The following ZNF362 variants were observed in gnomAD, a reference collection of about 807,000 sequenced individuals.
ZNF362 encodes the protein zinc finger protein 362, also known as rotund homolog.
ZNF362 carries 11 observed loss-of-function variants against 42.9 expected under a neutral mutation model. That is an observed-to-expected ratio of 0.26 (90% CI 0.16 to 0.42). The LOEUF is 0.42. Among genes scored for constraint, ZNF362 ranks in the 20% least tolerant of loss-of-function variants. The pLI is 1.00. For synonymous variants in ZNF362, 255 were observed against 257.3 expected (o/e 0.99, Z 0.09); for missense variants, 362 against 576.2 (o/e 0.63, Z 3.81).
chr1:33,130,157 C>T, the ZNF362 span, among the ~76,000 whole-genome samples: 1 of 152,212 alleles, frequency 6.6e-6, no homozygotes, highest in African/African-American at 2.4e-5. Flanking sequence ...CTGCACCTGG[C>T]CGTAGCTTTG....
chr1:33,232,516 C>T, the ZNF362 span, among the ~76,000 whole-genome samples: 1 of 152,302 alleles, frequency 6.6e-6, no homozygotes, highest in African/African-American at 2.4e-5. Flanking sequence ...CTGCCTCAGC[C>T]TCCCAAAGTG....
the ZNF362 span, among the ~76,000 whole-genome samples, chr1:33,192,176 C>G: frequency 6.6e-6 from 1 of 152,192 alleles, no homozygotes; most frequent in African/African-American, 2.4e-5. Flanking sequence ...TCATTTTCCT[C>G]CTTTAGCACT....
chr1:33,243,999 C>G, the ZNF362 span, among the ~76,000 whole-genome samples: 1 of 151,982 alleles, frequency 6.6e-6, no homozygotes. Flanking sequence ...GAAAAGTGTC[C>G]ATGGATTTGG....
the ZNF362 span, among the ~76,000 whole-genome samples, chr1:33,222,461 T>C: frequency 3.9e-5 from 6 of 152,234 alleles, no homozygotes; most frequent in African/African-American, 1.4e-4. Context: ...CAAGTTTTGC[T>C]TCCCATGAAT....
At chr1:33,159,685 T>G in the ZNF362 span, 1 of 1,603,822 alleles carries the variant, frequency 6.2e-7, no homozygotes, top group South Asian at 1.1e-5. This position sits in a 1 kb window ranked among gnomAD's most constrained non-coding sequence, Gnocchi z 4.2. Flanking sequence ...GGGTGGCACT[T>G]ACCGCTCGGA....
chr1:33,176,598 C>T, the ZNF362 span: 4 of 523,994 alleles, frequency 7.6e-6, no homozygotes, highest in South Asian at 1.0e-4. Context: ...GATGACGTCC[C>T]AACCACCTGC....
the ZNF362 span, among the ~76,000 whole-genome samples, chr1:33,201,694 C>T: frequency 2.0e-5 from 3 of 152,154 alleles, no homozygotes; most frequent in South Asian, 6.2e-4. Flanking sequence ...AGGGCCTTAG[C>T]TTTCACCTTA....
the ZNF362 span, among the ~76,000 whole-genome samples, chr1:33,222,007 G>T: frequency 0.053 from 8,003 of 152,230 alleles, 406 homozygotes; most frequent in African/African-American, 0.12. Flanking sequence ...GAGACAGAAA[G>T]AAAGAGTGAG....
At chr1:33,255,006 C>T (rs1439009997), upstream of ZNF362, among the ~76,000 whole-genome samples, 1 of 152,210 alleles carries the variant, frequency 6.6e-6, no homozygotes, top group Admixed American at 6.5e-5. Flanking sequence ...AAGCCCTCTC[C>T]ACCTCTCCAG....
At chr1:33,127,823 C>G in the ZNF362 span, among the ~76,000 whole-genome samples, 1 of 152,106 alleles carries the variant, frequency 6.6e-6, no homozygotes, top group Non-Finnish European at 1.5e-5. Context: ...TTAAAATAAT[C>G]AAGCGTGCCT....
At chr1:33,263,665 C>A (rs1475392866) in intron 1 of ZNF362, among the ~76,000 whole-genome samples, 1 of 152,158 alleles carries the variant, frequency 6.6e-6, no homozygotes, top group Non-Finnish European at 1.5e-5. Context: ...CCCACTTTGG[C>A]CTCCCAAAGT....
chr1:33,232,752 C>A, the ZNF362 span, among the ~76,000 whole-genome samples: 18 of 152,280 alleles, frequency 1.2e-4, no homozygotes, highest in Non-Finnish European at 2.1e-4. Context: ...AAAATGACCT[C>A]CTTATGGCTT....
At chr1:33,160,061 C>G in the ZNF362 span, 1 of 1,329,318 alleles carries the variant, frequency 7.5e-7, no homozygotes, top group African/African-American at 1.5e-5. Flanking sequence ...AAAGGGCACG[C>G]GTGGTGGGGG....
At chr1:33,271,319 T>C (rs1045383862) in intron 2 of ZNF362, among the ~76,000 whole-genome samples, 1 of 152,220 alleles carries the variant, frequency 6.6e-6, no homozygotes, top group Non-Finnish European at 1.5e-5. Flanking sequence ...AAGCTGTTGC[T>C]TCTGCTGGGA....
In ZNF362 at chr1:33,299,072, G is replaced by A. The variant is rs200307944; in HGVS notation, c.*26G>A. The A allele has an allele frequency of 9.6e-5, 152 of 1,580,328 alleles. 1 individual carries two copies. Among genetic ancestry groups the A allele is most frequent in the Non-Finnish European group, 1.2e-4 (140 of 1,160,750 alleles). On this transcript the variant is annotated 3_prime_UTR_variant, in exon 9 of 9. Coordinates refer to ENST00000539719, the MANE Select transcript of ZNF362 (RefSeq NM_152493.3). ...GCCCACTGGAGGCGCCGCCCCACCC[G>A]GCCCACTGGCAGACACAGACCCAGG... is the stretch of plus-strand genomic sequence containing the variant.
intron 6 of ZNF362, among the ~76,000 whole-genome samples, chr1:33,288,804 C>A (rs1054945945): frequency 6.8e-6 from 1 of 148,026 alleles, no homozygotes; most frequent in Non-Finnish European, 1.5e-5. Flanking sequence ...TTCCCATCGC[C>A]GCAGATGTGG....
chr1:33,296,580 AC>A lies in ZNF362; in HGVS notation c.1146+1277del, dbSNP rs574035930. Among the ~76,000 whole-genome samples the A allele has an allele frequency of 1.4e-4, 21 of 152,290 alleles. 1 individual carries two copies. The South Asian group carries it at 4.4e-3, about 32-fold the overall frequency. The stretch of plus-strand genomic sequence containing the variant: ...TGGGAAGGGGGATGAGTCCAGATTG[AC>A]CACCTGGAGGAGCAACACTTAGGTG... On this transcript the variant is annotated intron_variant, in intron 8 of 8. Transcript: ENST00000539719.
intron 4 of ZNF362, among the ~76,000 whole-genome samples, chr1:33,277,973 T>C (rs1174626431): frequency 6.6e-6 from 1 of 152,070 alleles, no homozygotes; most frequent in African/African-American, 2.4e-5. Context: ...GCCTCTCTCC[T>C]TCTCTCCTGC....
At chr1:33,236,550 A>AAAAAAAAAAAAATATATATAT in the ZNF362 span, among the ~76,000 whole-genome samples, 3 of 5,980 alleles carry the variant, frequency 5.0e-4, no homozygotes, top group Non-Finnish European at 1.1e-3. Flanking sequence ...AAAAAAAAAA[A>AAAAAAAAAAAAATATATATAT]ATATATATAT....
Sources: allele counts gnomAD v4.1 joint callset (sites outside exome capture counted in the v4.1 genomes callset), GRCh38; gene constraint gnomAD v4.1.1; non-coding constraint Gnocchi (gnomAD v3.1); transcripts MANE v1.5; gene names NCBI Gene and HGNC (gene_info 2026-07-23, HGNC 2026-07-21).